The following NLRP1 variants were observed in gnomAD, a reference collection of about 807,000 sequenced individuals.
NLRP1 encodes NACHT, LRR and PYD domains-containing protein 1.
Under a neutral mutation model 136.7 loss-of-function variants are expected in NLRP1, and 94 were observed. That is an observed-to-expected ratio of 0.69 (90% CI 0.58 to 0.82). The LOEUF (loss-of-function observed/expected upper bound fraction) is 0.82, where lower values mean the gene tolerates loss of function less well. Ranked by LOEUF, NLRP1 falls within the 40% of genes least tolerant of loss-of-function variation. NLRP1 has a pLI of 0.00. For synonymous variants in NLRP1, 690 were observed against 725.1 expected, an observed-to-expected ratio of 0.95 and a Z score of 0.78; for missense variants, 1,575 against 1,802.7, an observed-to-expected ratio of 0.87 and a Z score of 2.29.
At chr17:5,560,624 A>C (rs1337856552) in intron 3 of NLRP1, among the ~76,000 whole-genome samples, 1 of 152,198 alleles carries the variant, frequency 6.6e-6, no homozygotes, top group African/African-American at 2.4e-5. Context: ...AGGTGCCCTT[A>C]GTGGATGACA....
intron 3 of NLRP1, among the ~76,000 whole-genome samples, chr17:5,580,334 C>T (rs982836635): frequency 6.6e-5 from 10 of 152,142 alleles, no homozygotes; most frequent in African/African-American, 2.2e-4. Context: ...ATTACCTGGG[C>T]GACAAGATAA....
intron 7 of NLRP1, 55 bp from the exon 8 acceptor site, chr17:5,536,995 T>G (rs7216010): frequency 0.036 from 45,963 of 1,277,782 alleles, 1,021 homozygotes; most frequent in Middle Eastern, 0.07. Context: ...GGTCCCCAGG[T>G]CCCCAGGGCC....
chr17:5,556,115 T>C (rs1031555870), intron 4 of NLRP1, among the ~76,000 whole-genome samples: 1 of 119,008 alleles, frequency 8.4e-6, no homozygotes, highest in Non-Finnish European at 1.7e-5. Flanking sequence ...TCTCTCTCTC[T>C]ACACACACAC....
In NLRP1 at chr17:5,537,679, G is replaced by A. The variant is rs1911265330; in HGVS notation, c.2871-739C>T. On this transcript the variant is annotated intron_variant, in intron 7 of 16. Transcript: ENST00000572272. This position sits in a 1 kb window ranked among gnomAD's most constrained non-coding sequence, Gnocchi z 4.5. ...GCTGTTAGAGCTGTTCTGCCCCTGG[G>A]GAGGAGCGCAGACCTTGAAGTAGAA... Among the ~76,000 whole-genome samples, 1 of 152,152 alleles carries A rather than the reference G, an allele frequency of 6.6e-6. No homozygotes were observed.
chr17:5,564,059 T>A (rs1915053777), intron 3 of NLRP1, among the ~76,000 whole-genome samples: 1 of 152,176 alleles, frequency 6.6e-6, no homozygotes, highest in Non-Finnish European at 1.5e-5. Context: ...AATTATTTTT[T>A]AAAAATTTTG....
rs181919355 is a variant in NLRP1 at position 5,553,940 on chromosome 17, T to A, written c.2358-384A>T. 1.2e-4 allele frequency among the ~76,000 whole-genome samples: 18 copies of A among 152,206 alleles called. No homozygotes were observed. In the East Asian group the frequency reaches 1.5e-3, roughly 13 times the overall value. On this transcript the variant is annotated intron_variant, in intron 4 of 16. Coordinates refer to ENST00000572272, the MANE Select transcript of NLRP1 (RefSeq NM_033004.4). ...CACTGCAGATAAGAAAAAAATTTTT[T>A]AAAAAAATTTGACAATTTTAATTTA... is the stretch of plus-strand genomic sequence containing the variant.
intron 3 of NLRP1, among the ~76,000 whole-genome samples, chr17:5,560,762 T>G (rs1020350854): frequency 1.2e-4 from 18 of 152,282 alleles, no homozygotes; most frequent in Admixed American, 1.1e-3. Flanking sequence ...CTTTCCTGGG[T>G]TTCCCCGCCT....
At chr17:5,525,227 C>T (rs967405756) in intron 12 of NLRP1, among the ~76,000 whole-genome samples, 16 of 152,154 alleles carry the variant, frequency 1.1e-4, no homozygotes, top group Non-Finnish European at 1.9e-4. Flanking sequence ...TTACTGAGTA[C>T]GGACAATGTG....
Position 5,517,773 on chromosome 17 carries a change from G to C in NLRP1, c.4030C>G (p.Leu1344Val). 1 of 1,614,198 alleles carries C rather than the reference G, an allele frequency of 6.2e-7. No homozygotes were observed. Among genetic ancestry groups the C allele is most frequent in the Non-Finnish European group, 8.5e-7 (1 of 1,180,038 alleles). The change falls in exon 15 of 17, where the codon CTG (leucine) becomes GTG (valine). Residue 1344 changes from leucine to valine, a missense_variant. By Grantham distance (32) the Leu-to-Val change is conservative. Coordinates refer to ENST00000572272, the MANE Select transcript of NLRP1 (RefSeq NM_033004.4). Reference sequence around the variant, plus strand: ...GGTTTCACCAAGGCCTCCCACACCAGAGTCTCATCTTTCTTGTCTTTCACT... The same window carrying C: ...GGTTTCACCAAGGCCTCCCACACCACAGTCTCATCTTTCTTGTCTTTCACT... ...LQVKDKKDET[L>V]VWEALVKPGD...
intron 16 of NLRP1, 145 bp from the exon 17 acceptor site, chr17:5,515,218 T>C (rs1033022455): frequency 6.8e-6 from 6 of 880,270 alleles, no homozygotes; most frequent in Non-Finnish European, 1.1e-5. Flanking sequence ...GCATCTAGCT[T>C]GGCATTCTGC....
chr17:5,565,312 A>G (rs1915215211), intron 3 of NLRP1, among the ~76,000 whole-genome samples: 1 of 152,098 alleles, frequency 6.6e-6, no homozygotes, highest in Admixed American at 6.6e-5. Context: ...CTAATCTTTT[A>G]ACTATTTTTT....
intron 5 of NLRP1, among the ~76,000 whole-genome samples, chr17:5,543,781 T>G (rs1301701572): frequency 6.6e-6 from 1 of 152,046 alleles, no homozygotes; most frequent in Non-Finnish European, 1.5e-5. Context: ...GGGAGATGTT[T>G]GGAGCAGACC....
In NLRP1 at chr17:5,530,072, G is replaced by A. The variant is rs558834153; in HGVS notation, c.3520+409C>T. 176 of 458,032 alleles carry A rather than the reference G, an allele frequency of 3.8e-4. 1 individual carries two copies. The highest frequency in any genetic ancestry group is 2.3e-3 in the Admixed American group (97 of 42,612). 28.4% of individuals were successfully genotyped at this position (458,032 alleles called of 1,614,324 possible). On this transcript the variant is annotated intron_variant, in intron 12 of 16. Transcript: ENST00000572272. ...TCTTCTCCCTGCCTGTAGGAGTAGT[G>A]ATGGCTTCCTATTGTTGCTAGTCCC...
intron 12 of NLRP1, among the ~76,000 whole-genome samples, chr17:5,528,287 C>T (rs1909813038): frequency 6.6e-6 from 1 of 152,276 alleles, no homozygotes; most frequent in Non-Finnish European, 1.5e-5. Flanking sequence ...ATAGATTGCC[C>T]GGTGGGAACA....
intron 11 of NLRP1, among the ~76,000 whole-genome samples, chr17:5,531,826 C>CATT (rs1910311228): frequency 6.6e-6 from 1 of 152,216 alleles, no homozygotes; most frequent in African/African-American, 2.4e-5. Flanking sequence ...GCTACTAGTA[C>CATT]AGTCCTTAGC....
At chr17:5,562,329 G>A (rs1914851549) in intron 3 of NLRP1, among the ~76,000 whole-genome samples, 1 of 152,252 alleles carries the variant, frequency 6.6e-6, no homozygotes, top group South Asian at 2.1e-4. Flanking sequence ...ACTGACAGAG[G>A]TGAGATGTCC....
chr17:5,520,684 C>T (rs1908779897), intron 14 of NLRP1, among the ~76,000 whole-genome samples, 197 bp downstream of exon 14: 1 of 152,212 alleles, frequency 6.6e-6, no homozygotes, highest in Non-Finnish European at 1.5e-5. Context: ...CCTTCACATC[C>T]TGCATGTGAT....
At position 5,559,992 on chromosome 17, in the gene NLRP1, G is replaced by GC; in HGVS notation, c.703dup (p.Ala235GlyfsTer38). ...CTGTGGGGGCGTTCCTACCACCGCT[G>GC]CCCATGGGGGCCTGCCTTTCTCTGA... On this transcript the variant is annotated frameshift_variant, in exon 4 of 17. Transcript: ENST00000572272. LOFTEE classifies it high-confidence loss of function. 1 of 1,595,826 alleles carries GC rather than the reference G, an allele frequency of 6.3e-7. No individual in the cohort carries two copies. Among genetic ancestry groups the GC allele is most frequent in the Non-Finnish European group, 8.5e-7 (1 of 1,172,490 alleles).
At position 5,547,540 on chromosome 17, in the gene NLRP1, G is replaced by GC. The variant is rs767512199; in HGVS notation, c.2529-5514_2529-5513insG. On this transcript the variant is annotated intron_variant, in intron 5 of 16. Coordinates refer to ENST00000572272, the MANE Select transcript of NLRP1 (RefSeq NM_033004.4). Reference sequence around the variant, plus strand: ...CCCTGCTCTGCCATTTTTGCAGGGTGTTTTTTGGAAGGCCCAAGGAATTAA... The same window carrying GC: ...CCCTGCTCTGCCATTTTTGCAGGGTGCTTTTTTGGAAGGCCCAAGGAATTAA... Among the ~76,000 whole-genome samples the GC allele has an allele frequency of 2.6e-5, 4 of 152,158 alleles. No individual in the cohort carries two copies. The East Asian group carries it at 5.8e-4, about 22-fold the overall frequency.
Sources: gnomAD v4.1 joint callset for allele counts (sites outside exome capture counted in the v4.1 genomes callset) on GRCh38, gnomAD v4.1.1 for gene constraint, Gnocchi (gnomAD v3.1) non-coding constraint, MANE v1.5 for transcripts, NCBI Gene and HGNC (gene_info 2026-07-23, HGNC 2026-07-21) for gene names.